The following COBL variants were observed in gnomAD, a reference collection of about 807,000 sequenced individuals.
COBL encodes the protein protein cordon-bleu.
COBL carries 51 observed loss-of-function variants against 98.8 expected under a neutral mutation model. That is an observed-to-expected ratio of 0.52 (90% CI 0.41 to 0.65). The LOEUF (loss-of-function observed/expected upper bound fraction) is 0.65, where lower values mean the gene tolerates loss of function less well. COBL is among the 30% of genes least tolerant of loss of function. The pLI is 0.00. For synonymous variants in COBL, 634 were observed against 651.7 expected (o/e 0.97, Z 0.41); for missense variants, 1,617 against 1,617.5 (o/e 1.00, Z 0.01).
At chr7:51,309,187 C>T (rs913677227) in intron 1 of COBL, among the ~76,000 whole-genome samples, 6 of 152,064 alleles carry the variant, frequency 3.9e-5, no homozygotes, top group Admixed American at 6.5e-5. Flanking sequence ...CTTTTAAGGA[C>T]GATGTGATTA....
chr7:51,295,621 T>C (rs1801355293), intron 1 of COBL, among the ~76,000 whole-genome samples: 1 of 152,166 alleles, frequency 6.6e-6, no homozygotes, highest in African/African-American at 2.4e-5. Context: ...GACAAGGATA[T>C]GTACAACACC....
chr7:51,301,862 G>C (rs1801997898), intron 1 of COBL, among the ~76,000 whole-genome samples: 2 of 152,174 alleles, frequency 1.3e-5, no homozygotes, highest in Admixed American at 1.3e-4. Context: ...TTCCACTCCT[G>C]GCAGTCAGTC....
chr7:51,168,890 A>G (rs1350773209), intron 5 of COBL, among the ~76,000 whole-genome samples: 1 of 152,178 alleles, frequency 6.6e-6, no homozygotes, highest in East Asian at 1.9e-4. Context: ...GGATAAAGAA[A>G]ATGTGGTACA....
chr7:51,126,494 G>A (rs532422983), intron 6 of COBL, among the ~76,000 whole-genome samples: 1 of 152,282 alleles, frequency 6.6e-6, no homozygotes, highest in African/African-American at 2.4e-5. Flanking sequence ...CCACCAAACT[G>A]CCTGAGTGCC....
At chr7:51,127,333 CCCAG>C (rs1562942986) in intron 6 of COBL, among the ~76,000 whole-genome samples, 1 of 152,198 alleles carries the variant, frequency 6.6e-6, no homozygotes, top group Non-Finnish European at 1.5e-5. Context: ...CACCCAAGTC[CCCAG>C]CTTGTTAGGC....
In COBL at chr7:51,248,225, C is replaced by T. The variant is rs543697892; in HGVS notation, c.42-28281G>A. Among the ~76,000 whole-genome samples the T allele has an allele frequency of 4.6e-5, 7 of 152,158 alleles. No individual in the cohort carries two copies. The South Asian group carries it at 1.2e-3, about 27-fold the overall frequency. On this transcript the variant is annotated intron_variant, in intron 1 of 12. Coordinates refer to ENST00000265136, the MANE Select transcript of COBL (RefSeq NM_015198.5). ...AAGAATTTTCCTCCTACTGTGCATC[C>T]GTGGTTATGAAACGATTCATATCAT...
At chr7:51,106,789 A>G (rs1796315823) in intron 6 of COBL, among the ~76,000 whole-genome samples, 1 of 152,152 alleles carries the variant, frequency 6.6e-6, no homozygotes. Context: ...TATCATCATC[A>G]TTCTTGTTAA....
chr7:51,229,658 A>T (rs1279936594), intron 1 of COBL, among the ~76,000 whole-genome samples: 1 of 152,220 alleles, frequency 6.6e-6, no homozygotes. Context: ...ATGATTTAGT[A>T]CATTCTTTTC....
intron 5 of COBL, among the ~76,000 whole-genome samples, chr7:51,170,876 A>T (rs1273228402): frequency 6.6e-6 from 1 of 152,104 alleles, no homozygotes; most frequent in East Asian, 1.9e-4. Context: ...ATAATAATGT[A>T]TTACACATTT....
Position 51,187,327 on chromosome 7 carries a change from T to C in COBL, c.686-3128A>G, listed in dbSNP as rs925782785. 7.6e-4 allele frequency among the ~76,000 whole-genome samples: 106 copies of C among 139,052 alleles called. 1 individual carries two copies. Among genetic ancestry groups the C allele is most frequent in the African/African-American group, 2.8e-3 (96 of 34,268 alleles). The allele number at this position is 139,052 out of a possible 152,430, so 91.2% of individuals were successfully genotyped here. ...ATGTTTAAGTATATATATATATATA[T>C]ATATACACACACACACACACACACA... is the stretch of plus-strand genomic sequence containing the variant. On this transcript the variant is annotated intron_variant, in intron 4 of 12. Coordinates refer to ENST00000265136, the MANE Select transcript of COBL (RefSeq NM_015198.5).
At chr7:51,073,390 G>A (rs146321104) in intron 7 of COBL, 30 of 679,680 alleles carry the variant, frequency 4.4e-5, no homozygotes, top group East Asian at 4.4e-4. Flanking sequence ...AATAAACTGC[G>A]GGGGGAAAAT....
rs1185798372 is a variant in COBL, at chr7:51,191,012, C to A, written c.523G>T (p.Val175Phe). 2 of 1,614,058 alleles carry A rather than the reference C, an allele frequency of 1.2e-6. No homozygotes were observed. The highest frequency in any genetic ancestry group is 1.7e-6 in the Non-Finnish European group (2 of 1,180,058). ...QKAVVRVSPE[V>F]PLQNILPVIC... ...ACTGGGAGAATATTCTGGAGAGGAA[C>A]CTCAGGGCTCACACGCACAACAGCT... The change falls in exon 4 of 13, where the codon GTT becomes TTT. Residue 175 changes from valine (V) to phenylalanine (F), a missense_variant. By Grantham distance (50) the Val-to-Phe change is conservative (BLOSUM62 -1). Around this residue, in one of 3 missense-constraint regions of COBL, gnomAD observed 75 missense variants for 120.5 expected, o/e 0.62. Coordinates refer to ENST00000265136, the MANE Select transcript of COBL (RefSeq NM_015198.5).
chr7:51,096,878 A>G (rs1004723096), intron 6 of COBL, among the ~76,000 whole-genome samples: 1 of 152,218 alleles, frequency 6.6e-6, no homozygotes, highest in Non-Finnish European at 1.5e-5. Context: ...AGAAAAGCCC[A>G]CAACCAGATG....
rs80199137 is a variant in COBL at position 51,217,103 on chromosome 7, A to C, written c.245+2638T>G. 9.2e-3 allele frequency among the ~76,000 whole-genome samples: 1,403 copies of C among 152,358 alleles called. 19 individuals are homozygous for C. The highest frequency in any genetic ancestry group is 0.032 in the African/African-American group (1,323 of 41,578). On this transcript the variant is annotated intron_variant, in intron 2 of 12. Coordinates refer to ENST00000265136, the MANE Select transcript of COBL (RefSeq NM_015198.5). ...TAATAATTCACTACTTAAGAAAGAT[A>C]ACATTATTTTAACACTCCATCTCTA...
chr7:51,177,998 T>C (rs1002489251), intron 5 of COBL, among the ~76,000 whole-genome samples: 1 of 151,744 alleles, frequency 6.6e-6, no homozygotes, highest in Non-Finnish European at 1.5e-5. Context: ...ATACAAAAAT[T>C]AGCTGGGCAT....
At chr7:51,120,259 T>A (rs1797630636) in intron 6 of COBL, among the ~76,000 whole-genome samples, 1 of 152,114 alleles carries the variant, frequency 6.6e-6, no homozygotes, top group Non-Finnish European at 1.5e-5. Flanking sequence ...GTAAATGGCC[T>A]AAAATATAAG....
intron 6 of COBL, among the ~76,000 whole-genome samples, chr7:51,114,102 C>A (rs1182700228): frequency 6.6e-6 from 1 of 152,220 alleles, no homozygotes; most frequent in Non-Finnish European, 1.5e-5. Flanking sequence ...CATAAGCGAT[C>A]TCCACCTTTA....
Position 51,027,696 on chromosome 7 carries a change from A to G in COBL, c.3384+16T>C. 1 of 1,597,614 alleles carries G rather than the reference A, an allele frequency of 6.3e-7. No individual in the cohort carries two copies. Among genetic ancestry groups the G allele is most frequent in the Non-Finnish European group, 8.5e-7 (1 of 1,170,884 alleles). On this transcript the variant is annotated intron_variant, in intron 10 of 12. Coordinates refer to ENST00000265136, the MANE Select transcript of COBL (RefSeq NM_015198.5). ...GGCAGGTGTGGAAGGCCTGCCCCGG[A>G]AGCCGCCATCCTCACCTTGCGTAGT...
intron 8 of COBL, chr7:51,034,636 T>C (rs776877268): frequency 6.6e-6 from 1 of 152,272 alleles, no homozygotes; most frequent in Non-Finnish European, 1.5e-5. Context: ...ACCAGATTTA[T>C]GCCCTTAGTC....
Sources: allele counts gnomAD v4.1 joint callset (sites outside exome capture counted in the v4.1 genomes callset), GRCh38; gene constraint gnomAD v4.1.1; regional missense constraint gnomAD v4.1.1; transcripts MANE v1.5; gene names NCBI Gene and HGNC (gene_info 2026-07-23, HGNC 2026-07-21).